CSPP1: variants seen among roughly 807,000 people sequenced by gnomAD.
The protein encoded by CSPP1 is centrosome and spindle pole associated protein 1, also known as centrosome and spindle pole-associated protein 1.
Under a neutral mutation model 164.4 loss-of-function variants are expected in CSPP1, and 126 were observed. The ratio of observed to expected loss-of-function variants is 0.77; its 90% CI spans 0.66 to 0.89. The LOEUF (loss-of-function observed/expected upper bound fraction) is 0.89, where lower values mean the gene tolerates loss of function less well. Among genes scored for constraint, CSPP1 ranks in the 40% least tolerant of loss-of-function variants. The pLI is 0.00. For missense variants in CSPP1, 1,395 were observed against 1,449.8 expected (o/e 0.96, Z 0.61); for synonymous variants, 472 against 476.7 (o/e 0.99, Z 0.13).
chr8:67,064,715 G>A (rs1432628741), intron 1 of CSPP1, 177 bp downstream of exon 1: 1 of 435,880 alleles, frequency 2.3e-6, no homozygotes, highest in Non-Finnish European at 3.9e-6. Context: ...TTTCTTGTCG[G>A]CAGGGGGTCT....
chr8:67,104,295 C>T (rs1248343675), intron 8 of CSPP1, among the ~76,000 whole-genome samples: 7 of 147,650 alleles, frequency 4.7e-5, no homozygotes, highest in East Asian at 2.0e-4. Flanking sequence ...GACAGAGTCT[C>T]GCTTTGTTGT....
chr8:67,078,423 C>T (rs1415196944), intron 3 of CSPP1, among the ~76,000 whole-genome samples: 3 of 152,018 alleles, frequency 2.0e-5, no homozygotes, highest in Non-Finnish European at 4.4e-5. Flanking sequence ...CTCACTGCAA[C>T]CTCCACTGTC....
At chr8:67,157,148 G>T (rs936054718) in intron 19 of CSPP1, among the ~76,000 whole-genome samples, 3 of 152,008 alleles carry the variant, frequency 2.0e-5, no homozygotes, top group Non-Finnish European at 4.4e-5. Flanking sequence ...GTTTTCTTTA[G>T]GCATATTGGA....
intron 1 of CSPP1, among the ~76,000 whole-genome samples, chr8:67,066,748 CACACACATATAT>C (rs1805639129): frequency 6.6e-6 from 1 of 152,062 alleles, no homozygotes; most frequent in Admixed American, 6.5e-5. Flanking sequence ...TATATATACA[CACACACATATAT>C]ACACACATAT....
intron 17 of CSPP1, among the ~76,000 whole-genome samples, chr8:67,147,999 A>G (rs921774863): frequency 6.6e-6 from 1 of 151,950 alleles, no homozygotes; most frequent in Non-Finnish European, 1.5e-5. Flanking sequence ...ACTCACTGCA[A>G]CCTGCACCCC....
chr8:67,100,401 T>C (rs1586081391), intron 7 of CSPP1, among the ~76,000 whole-genome samples: 1 of 152,278 alleles, frequency 6.6e-6, no homozygotes. Context: ...GCAGTGGTGG[T>C]ATAAAGATAA....
intron 2 of CSPP1, among the ~76,000 whole-genome samples, chr8:67,075,861 C>T (rs997135192): frequency 2.0e-5 from 3 of 152,260 alleles, no homozygotes; most frequent in African/African-American, 7.2e-5. Flanking sequence ...GGAGTGGAAC[C>T]TTTATGCAGC....
rs1279368971 is a variant in CSPP1, at chr8:67,116,004, C to T, written c.1378C>T (p.Leu460Phe). ...ERPRIAFQTP[L>F]PPLSAPSVPP... ...ACCCAGAATAGCTTTCCAGACACCT[C>T]TCCCTCCTTTATCTGCCCCATCTGT... The change falls in exon 13 of 31, where the codon CTC becomes TTC. Residue 460 changes from leucine to phenylalanine, a missense_variant. Coordinates refer to ENST00000678616, the MANE Select transcript of CSPP1 (RefSeq NM_001382391.1). 1.2e-6 allele frequency: 2 copies of T among 1,613,884 alleles called. No homozygotes were observed. The highest frequency in any genetic ancestry group is 8.5e-7 in the Non-Finnish European group (1 of 1,179,794).
intron 1 of CSPP1, among the ~76,000 whole-genome samples, chr8:67,073,711 G>A (rs1484579634): frequency 1.3e-5 from 2 of 152,132 alleles, no homozygotes; most frequent in East Asian, 3.8e-4. Context: ...GGGGCAAAGG[G>A]CTATGATATA....
chr8:67,186,638 CACT>C (rs762671508), intron 28 of CSPP1, among the ~76,000 whole-genome samples: 1 of 152,248 alleles, frequency 6.6e-6, no homozygotes, highest in Non-Finnish European at 1.5e-5. Context: ...CCTTTCTCAC[CACT>C]GATTAACATC....
intron 17 of CSPP1, among the ~76,000 whole-genome samples, chr8:67,148,042 C>T (rs376486349): frequency 2.0e-5 from 3 of 150,730 alleles, no homozygotes; most frequent in East Asian, 1.9e-4. Context: ...CCTCAGCCCC[C>T]CAAGTAGCTG....
intron 9 of CSPP1, among the ~76,000 whole-genome samples, chr8:67,110,918 G>A (rs573387431): frequency 6.6e-6 from 1 of 152,024 alleles, no homozygotes. Flanking sequence ...CTTGTGCTTG[G>A]TTATTCTATC....
chr8:67,089,447 C>A (rs1262281567), intron 4 of CSPP1, among the ~76,000 whole-genome samples: 1 of 152,180 alleles, frequency 6.6e-6, no homozygotes, highest in Non-Finnish European at 1.5e-5. Flanking sequence ...CTTATGTAGA[C>A]CATGTCCAAA....
At chr8:67,172,293 C>T in intron 24 of CSPP1, 123 bp from the exon 25 acceptor site, 1 of 698,674 alleles carries the variant, frequency 1.4e-6, no homozygotes, top group Non-Finnish European at 2.4e-6. Context: ...AGCACCTGTC[C>T]TAGAGTAATT....
Position 67,164,486 on chromosome 8 carries a change from A to G in CSPP1, c.2806A>G (p.Ser936Gly). Reference sequence around the variant, plus strand: ...ACAAGAGCGATTGCTACACATGGACAGTGATGATGAAATTCCTATCAGGCA... The same window carrying G: ...ACAAGAGCGATTGCTACACATGGACGGTGATGATGAAATTCCTATCAGGCA... ...RLQERLLHMDSDDEIPIRKKE... is the reference protein window; with the variant it reads ...RLQERLLHMDGDDEIPIRKKE... The change falls in exon 24 of 31, where the codon AGT becomes GGT. Residue 936 changes from serine to glycine, a missense_variant. By Grantham distance (56) the Ser-to-Gly change is moderately conservative (BLOSUM62 0). Coordinates refer to ENST00000678616, the MANE Select transcript of CSPP1 (RefSeq NM_001382391.1). The G allele has an allele frequency of 6.4e-7, 1 of 1,568,206 alleles. No homozygotes were observed. The highest frequency in any genetic ancestry group is 8.8e-7 in the Non-Finnish European group (1 of 1,140,124).
intron 1 of CSPP1, among the ~76,000 whole-genome samples, chr8:67,072,008 C>CGTG (rs930932450): frequency 5.9e-5 from 9 of 152,058 alleles, no homozygotes; most frequent in Non-Finnish European, 1.2e-4. Flanking sequence ...TTTAGCTGGG[C>CGTG]GTGGTGGCTC....
rs775968442 is a variant in CSPP1, at chr8:67,159,035, A to G, written c.2436A>G (p.Arg812=). 2.5e-6 allele frequency: 4 copies of G among 1,612,440 alleles called. No homozygotes were observed. Among genetic ancestry groups the G allele is most frequent in the African/African-American group, 1.3e-5 (1 of 74,806 alleles). The change falls in exon 21 of 31, where the codon AGA becomes AGG. Residue 812 remains arginine (R), a synonymous_variant. Transcript: ENST00000678616. The part of the protein sequence containing the change: ...NEEHIRLAEE[R]QKEAERKKKE... ...AGCATATTCGGTTAGCTGAAGAAAG[A>G]CAAAAAGAAGCAGAAAGAAAGAAGA...
intron 28 of CSPP1, among the ~76,000 whole-genome samples, chr8:67,184,727 A>C (rs546470786): frequency 6.8e-6 from 1 of 148,080 alleles, no homozygotes; most frequent in African/African-American, 2.5e-5. Flanking sequence ...CTGTCTAAAA[A>C]AATAATAATA....
intron 17 of CSPP1, among the ~76,000 whole-genome samples, chr8:67,143,236 C>G (rs938104928): frequency 6.6e-6 from 1 of 151,914 alleles, no homozygotes; most frequent in Non-Finnish European, 1.5e-5. Flanking sequence ...TATCCTTTTG[C>G]CCGTATCAGA....
Sources: gnomAD v4.1 joint callset for allele counts (sites outside exome capture counted in the v4.1 genomes callset) on GRCh38, gnomAD v4.1.1 for gene constraint, MANE v1.5 for transcripts, NCBI Gene and HGNC (gene_info 2026-07-23, HGNC 2026-07-21) for gene names.